Variants in ANKRD42 observed in about 807,000 individuals in gnomAD.
ANKRD42 encodes ankyrin repeat domain 42.
A neutral mutation model predicts 51.5 loss-of-function variants in ANKRD42; 43 were observed. That is an observed-to-expected ratio of 0.83 (90% CI 0.65 to 1.08). The LOEUF (loss-of-function observed/expected upper bound fraction) is 1.08. Ranked by LOEUF, ANKRD42 falls within the 50% of genes least tolerant of loss-of-function variation. The probability of loss-of-function intolerance (pLI) is 0.00; values close to 1 mark genes in which losing one functional copy is unlikely to be tolerated. For synonymous variants in ANKRD42, 203 were observed against 213.0 expected, an observed-to-expected ratio of 0.95 and a Z score of 0.41; for missense variants, 608 against 629.3, an observed-to-expected ratio of 0.97 and a Z score of 0.36.
Position 83,224,834 on chromosome 11 carries a change from A to T in ANKRD42, c.587-21A>T, listed in dbSNP as rs984660325. On this transcript the variant is annotated intron_variant, in intron 5 of 10. Transcript: ENST00000533342. ...ATTTTAAAAAATAAAAATTAAATTA[A>T]TTTTTTTTCCTTTCCTCTAGTTCAC... The T allele has an allele frequency of 4.6e-6, 7 of 1,531,788 alleles. No homozygotes were observed. In the African/African-American group the frequency reaches 8.4e-5, roughly 18 times the overall value. The allele number at this position is 1,531,788 out of a possible 1,614,324, so 94.9% of individuals were successfully genotyped here. A position where few individuals can be genotyped will look rare whatever the true frequency, so the allele number is the denominator to read the frequency against.
At chr11:83,224,442 A>G (rs1222317730) in intron 5 of ANKRD42, among the ~76,000 whole-genome samples, 1 of 152,178 alleles carries the variant, frequency 6.6e-6, no homozygotes, top group Non-Finnish European at 1.5e-5. Flanking sequence ...GGTAAGTGTA[A>G]CTATTCAACC....
Position 83,235,278 on chromosome 11 carries a change from A to C in ANKRD42, c.914-1126A>C, listed in dbSNP as rs79009016. 5.3e-4 allele frequency among the ~76,000 whole-genome samples: 81 copies of C among 152,352 alleles called. No individual in the cohort carries two copies. The East Asian group carries it at 0.014, about 26-fold the overall frequency. On this transcript the variant is annotated intron_variant, in intron 7 of 10. Transcript: ENST00000533342. ...GGGATGGAAGAAGTTGCTAAGGATCAAATTATTGAGGAGCTATTCATAGGG... is the reference window on the plus strand; with the variant it reads ...GGGATGGAAGAAGTTGCTAAGGATCCAATTATTGAGGAGCTATTCATAGGG...
chr11:83,246,175 A>G (rs1385651561), intron 10 of ANKRD42, among the ~76,000 whole-genome samples: 1 of 152,200 alleles, frequency 6.6e-6, no homozygotes, highest in African/African-American at 2.4e-5. Context: ...ACTTGGATAG[A>G]TAATAATCAG....
intron 5 of ANKRD42, among the ~76,000 whole-genome samples, chr11:83,216,065 G>A (rs1340814295): frequency 6.6e-6 from 1 of 152,142 alleles, no homozygotes; most frequent in East Asian, 1.9e-4. Flanking sequence ...AAAGTGCTGG[G>A]ATTACAGGCG....
intron 5 of ANKRD42, 52 bp downstream of exon 5, chr11:83,211,482 A>G (rs1862315565): frequency 6.3e-7 from 1 of 1,584,356 alleles, no homozygotes; most frequent in East Asian, 2.2e-5. Context: ...AAACTTTTAA[A>G]TGTTTGATCT....
chr11:83,208,646 T>C (rs1413259150), intron 3 of ANKRD42, among the ~76,000 whole-genome samples: 4 of 152,058 alleles, frequency 2.6e-5, no homozygotes, highest in Admixed American at 1.3e-4. Flanking sequence ...TGACAGAGCG[T>C]AGTGAAAATT....
Position 83,236,435 on chromosome 11 carries a change from G to A in ANKRD42, c.945G>A (p.Gln315=). The A allele has an allele frequency of 6.2e-7, 1 of 1,611,954 alleles. No homozygotes were observed. Among genetic ancestry groups the A allele is most frequent in the Non-Finnish European group, 8.5e-7 (1 of 1,179,280 alleles). Reference sequence around the variant, plus strand: ...GACAAGGCCACATAGAGTGTTTGCAGTGGTTAATTAAAATGGGAGCAGACA... The same window carrying A: ...GACAAGGCCACATAGAGTGTTTGCAATGGTTAATTAAAATGGGAGCAGACA... ...AAGQGHIECL[Q]WLIKMGADSN... is the part of the protein sequence containing the mutation. The change falls in exon 8 of 11, where the codon CAG becomes CAA. Residue 315 remains glutamine, a synonymous_variant. Coordinates refer to ENST00000533342, the MANE Select transcript of ANKRD42 (RefSeq NM_001300975.2).
downstream of ANKRD42, among the ~76,000 whole-genome samples, chr11:83,249,953 A>G (rs918810634): frequency 2.0e-5 from 3 of 152,182 alleles, no homozygotes; most frequent in African/African-American, 7.2e-5. Flanking sequence ...TATTCACTAT[A>G]TAGTAGTAGT....
chr11:83,234,698 CTCTTAATGACA>C (rs1863176021), intron 7 of ANKRD42, among the ~76,000 whole-genome samples: 1 of 152,166 alleles, frequency 6.6e-6, no homozygotes, highest in African/African-American at 2.4e-5. Context: ...GATTTTTTGA[CTCTTAATGACA>C]GAAAAGATCA....
intron 9 of ANKRD42, among the ~76,000 whole-genome samples, chr11:83,242,779 G>T (rs964989652): frequency 6.6e-6 from 1 of 151,884 alleles, no homozygotes; most frequent in African/African-American, 2.4e-5. Flanking sequence ...TGATCAGGCT[G>T]GTCTTGAACT....
chr11:83,226,813 AC>A (rs1862901657), intron 6 of ANKRD42, among the ~76,000 whole-genome samples: 3 of 152,150 alleles, frequency 2.0e-5, no homozygotes, highest in Non-Finnish European at 4.4e-5. Context: ...ACAAAACAAA[AC>A]AAAACAAAAC....
chr11:83,230,917 T>C lies in ANKRD42; in HGVS notation c.913+3045T>C, dbSNP rs2135537084. ...ATTCTTTTTTATGGCGGATTAGTACTGCATTGTGTATATGTACCACATTTT... is the reference window on the plus strand; with the variant it reads ...ATTCTTTTTTATGGCGGATTAGTACCGCATTGTGTATATGTACCACATTTT... On this transcript the variant is annotated intron_variant, in intron 7 of 10. Transcript: ENST00000533342. 3.3e-5 allele frequency among the ~76,000 whole-genome samples: 5 copies of C among 152,348 alleles called. No homozygotes were observed. In the South Asian group the frequency reaches 1.0e-3, roughly 32 times the overall value.
intron 5 of ANKRD42, among the ~76,000 whole-genome samples, chr11:83,219,405 A>G (rs1862644338): frequency 6.6e-6 from 1 of 152,188 alleles, no homozygotes; most frequent in African/African-American, 2.4e-5. Flanking sequence ...CTTGCATGCT[A>G]AGGACCAATT....
chr11:83,203,883 T>C (rs1016722598), intron 2 of ANKRD42, among the ~76,000 whole-genome samples: 2 of 152,226 alleles, frequency 1.3e-5, no homozygotes, highest in African/African-American at 2.4e-5. Flanking sequence ...TAGTAAACTT[T>C]TCATTTCAGA....
chr11:83,235,484 T>TA (rs1406109646), intron 7 of ANKRD42, among the ~76,000 whole-genome samples: 1 of 152,242 alleles, frequency 6.6e-6, no homozygotes, highest in Non-Finnish European at 1.5e-5. Context: ...AGGTTAGATA[T>TA]ATAGCTAGTA....
intron 4 of ANKRD42, 41 bp from the exon 5 acceptor site, chr11:83,211,254 A>G (rs1862304242): frequency 6.2e-7 from 1 of 1,611,694 alleles, no homozygotes; most frequent in Non-Finnish European, 8.5e-7. Flanking sequence ...TTTCCCCTAC[A>G]AAATGGGGAG....
chr11:83,211,208 A>G (rs1051611983), intron 4 of ANKRD42, 87 bp from the exon 5 acceptor site: 42 of 1,543,002 alleles, frequency 2.7e-5, no homozygotes, highest in Non-Finnish European at 3.8e-5. Context: ...ACAGCCTCCA[A>G]TTCTTATTTA....
intron 7 of ANKRD42, among the ~76,000 whole-genome samples, chr11:83,228,291 C>T (rs1862960519): frequency 1.7e-5 from 2 of 114,504 alleles, no homozygotes; most frequent in South Asian, 5.9e-4. Flanking sequence ...GGTTCTGTCA[C>T]CCAGGTTGGA....
At chr11:83,259,362 T>C (rs1863834666), downstream of ANKRD42, 1 of 152,192 alleles carries the variant, frequency 6.6e-6, no homozygotes, top group South Asian at 2.1e-4. Context: ...GGAAAGGATA[T>C]AGGATCTAAA....
Sources: gnomAD v4.1 joint callset for allele counts (sites outside exome capture counted in the v4.1 genomes callset) on GRCh38, gnomAD v4.1.1 for gene constraint, MANE v1.5 for transcripts, NCBI Gene and HGNC (gene_info 2026-07-23, HGNC 2026-07-21) for gene names.